KCNMA1: variants seen among roughly 807,000 people sequenced by gnomAD.
KCNMA1 encodes the protein potassium calcium-activated channel subfamily M alpha 1.
KCNMA1 carries 29 observed loss-of-function variants against 140.0 expected under a neutral mutation model. The observed-to-expected ratio is 0.21, with a 90% CI of 0.15 to 0.28. KCNMA1 has a LOEUF of 0.28. KCNMA1 is among the 10% of genes least tolerant of loss of function. KCNMA1 has a pLI of 1.00. For synonymous variants in KCNMA1, 612 were observed against 611.9 expected, an observed-to-expected ratio of 1.00 and a Z score of 0.00; for missense variants, 880 against 1,602.2, an observed-to-expected ratio of 0.55 and a Z score of 7.70.
chr10:77,078,775 T>C (rs7904750), intron 13 of KCNMA1, among the ~76,000 whole-genome samples: 28,581 of 152,224 alleles, frequency 0.19, 3,915 homozygotes, highest in East Asian at 0.52. Flanking sequence ...AATCACACAG[T>C]ATGTATTCAA....
At chr10:77,147,476 G>C (rs2098327183) in intron 5 of KCNMA1, among the ~76,000 whole-genome samples, 1 of 151,410 alleles carries the variant, frequency 6.6e-6, no homozygotes, top group African/African-American at 2.4e-5. Flanking sequence ...GGGTGGAATA[G>C]CCTCTAATTC....
chr10:77,010,968 G>T (rs1162802046), intron 18 of KCNMA1, among the ~76,000 whole-genome samples: 3 of 151,920 alleles, frequency 2.0e-5, no homozygotes, highest in Middle Eastern at 3.2e-3. Context: ...CTGTATGTTG[G>T]CTGTGTGACT....
chr10:76,985,677 A>T (rs975491667), intron 19 of KCNMA1, among the ~76,000 whole-genome samples: 1 of 152,248 alleles, frequency 6.6e-6, no homozygotes, highest in Non-Finnish European at 1.5e-5. Flanking sequence ...GCAAAGGAAC[A>T]CAATAAAAAG....
chr10:77,354,215 G>A (rs1011379241), intron 2 of KCNMA1, among the ~76,000 whole-genome samples: 13 of 152,274 alleles, frequency 8.5e-5, no homozygotes, highest in African/African-American at 3.1e-4. Flanking sequence ...CGATGGTCTC[G>A]ATCTCTTGAC....
Position 77,184,769 on chromosome 10 carries a change from G to C in KCNMA1, c.696+54C>G. 6.4e-6 allele frequency: 7 copies of C among 1,090,584 alleles called. No homozygotes were observed. The South Asian group carries it at 7.4e-5, about 12-fold the overall frequency. 67.6% of individuals were successfully genotyped at this position (1,090,584 alleles called of 1,614,324 possible). ...CAGAGGCTGAGGGGGATGATCCCTG[G>C]GTCCCAGACTGAAACACCCCATTGT... On this transcript the variant is annotated intron_variant, in intron 4 of 27. Coordinates refer to ENST00000286628, the MANE Select transcript of KCNMA1 (RefSeq NM_001161352.2).
At chr10:77,023,021 C>A in intron 16 of KCNMA1, 1 of 444,258 alleles carries the variant, frequency 2.3e-6, no homozygotes, top group Non-Finnish European at 4.5e-6. Flanking sequence ...AACACATCTA[C>A]GTGCAATTGG....
chr10:77,233,262 T>C (rs1053374405), intron 3 of KCNMA1, among the ~76,000 whole-genome samples: 3 of 152,158 alleles, frequency 2.0e-5, no homozygotes, highest in African/African-American at 7.2e-5. Flanking sequence ...AAAGTGGAAA[T>C]TGCATTATTA....
At chr10:77,545,524 C>T (rs890115042) in intron 1 of KCNMA1, among the ~76,000 whole-genome samples, 2 of 152,180 alleles carry the variant, frequency 1.3e-5, no homozygotes, top group Non-Finnish European at 2.9e-5. Flanking sequence ...TTTTCACATG[C>T]AGACATGAGA....
chr10:77,097,692 T>A (rs2096969211), intron 9 of KCNMA1, among the ~76,000 whole-genome samples: 1 of 152,158 alleles, frequency 6.6e-6, no homozygotes, highest in African/African-American at 2.4e-5. Flanking sequence ...CACCATTTCC[T>A]GTTAAAATAA....
intron 5 of KCNMA1, among the ~76,000 whole-genome samples, chr10:77,164,962 T>C (rs771219758): frequency 6.6e-5 from 10 of 152,100 alleles, no homozygotes; most frequent in East Asian, 1.9e-4. Flanking sequence ...TTTGCTGAGA[T>C]GAAGACCAGC....
chr10:76,958,949 C>T (rs573626534), intron 20 of KCNMA1, among the ~76,000 whole-genome samples: 43 of 152,218 alleles, frequency 2.8e-4, no homozygotes, highest in South Asian at 2.5e-3. Flanking sequence ...CCCGGCTGCC[C>T]TTCTTGAATC....
intron 19 of KCNMA1, among the ~76,000 whole-genome samples, chr10:76,990,220 A>G (rs774082141): frequency 1.3e-5 from 2 of 152,242 alleles, no homozygotes; most frequent in Non-Finnish European, 2.9e-5. Flanking sequence ...TCAAACACAC[A>G]TAAGACATTA....
chr10:76,931,408 G>C (rs1187842296), intron 23 of KCNMA1, among the ~76,000 whole-genome samples: 3 of 151,780 alleles, frequency 2.0e-5, no homozygotes, highest in Admixed American at 2.0e-4. Context: ...GAGGGTCACA[G>C]AGAAGATTCA....
At chr10:77,533,824 T>C (rs1325591758) in intron 1 of KCNMA1, among the ~76,000 whole-genome samples, 1 of 152,200 alleles carries the variant, frequency 6.6e-6, no homozygotes, top group Non-Finnish European at 1.5e-5. Context: ...GCTATAAATG[T>C]GTGACTGTTC....
At chr10:77,612,271 C>T (rs1041222152) in intron 1 of KCNMA1, among the ~76,000 whole-genome samples, 1 of 152,230 alleles carries the variant, frequency 6.6e-6, no homozygotes, top group African/African-American at 2.4e-5. Context: ...TCAAGAAGTC[C>T]TATCATCTTT....
intron 6 of KCNMA1, 46 bp from the exon 7 acceptor site, chr10:77,112,488 G>A: frequency 2.0e-6 from 3 of 1,478,932 alleles, no homozygotes; most frequent in East Asian, 4.5e-5. Context: ...CCAAGGGAAG[G>A]CCCTGCTGGG....
intron 2 of KCNMA1, among the ~76,000 whole-genome samples, chr10:77,394,767 T>C (rs550485472): frequency 2.6e-4 from 39 of 152,294 alleles, no homozygotes; most frequent in African/African-American, 7.5e-4. Flanking sequence ...AGGTAACTTA[T>C]GGAGCAAGTC....
chr10:76,901,504 C>G (rs930584620), intron 25 of KCNMA1: 1 of 152,116 alleles, frequency 6.6e-6, no homozygotes, highest in Non-Finnish European at 1.5e-5. Context: ...TGGGATTTGA[C>G]CCTAACATGT....
chr10:77,462,085 C>T (rs530947487), intron 1 of KCNMA1, among the ~76,000 whole-genome samples: 8 of 151,718 alleles, frequency 5.3e-5, no homozygotes, highest in South Asian at 2.1e-4. Flanking sequence ...CACATACACA[C>T]GGACACGGAC....
Sources: allele counts gnomAD v4.1 joint callset (sites outside exome capture counted in the v4.1 genomes callset), GRCh38; gene constraint gnomAD v4.1.1; transcripts MANE v1.5; gene names NCBI Gene and HGNC (gene_info 2026-07-23, HGNC 2026-07-21).